The following COL25A1 variants were observed in gnomAD, a reference collection of about 807,000 sequenced individuals.
COL25A1 encodes collagen alpha-1(XXV) chain.
In COL25A1, 103 loss-of-function variants were observed where a neutral mutation model predicts 128.4. The ratio of observed to expected loss-of-function variants is 0.80; its 90% CI spans 0.68 to 0.94. The LOEUF (loss-of-function observed/expected upper bound fraction) is 0.94, where lower values mean the gene tolerates loss of function less well. COL25A1 is among the 40% of genes least tolerant of loss of function. The pLI, the probability that COL25A1 is intolerant of heterozygous loss-of-function variation, is 0.00. For missense variants in COL25A1, 745 were observed against 840.0 expected, an observed-to-expected ratio of 0.89 and a Z score of 1.40; for synonymous variants, 279 against 277.2, an observed-to-expected ratio of 1.01 and a Z score of -0.06.
At chr4:109,289,877 A>C (rs1724294242) in intron 3 of COL25A1, among the ~76,000 whole-genome samples, 1 of 147,838 alleles carries the variant, frequency 6.8e-6, no homozygotes, top group Admixed American at 6.6e-5. Flanking sequence ...TGTTTGCTGT[A>C]TTTACTCTTG....
At chr4:109,237,185 C>T (rs1470223711) in intron 3 of COL25A1, among the ~76,000 whole-genome samples, 2 of 151,994 alleles carry the variant, frequency 1.3e-5, no homozygotes, top group African/African-American at 4.8e-5. Context: ...AGTAGCAGTA[C>T]TTTTCTATCC....
Position 108,899,166 on chromosome 4 carries a change from T to C in COL25A1, c.849A>G (p.Glu283=), listed in dbSNP as rs1742525560. 3.1e-6 allele frequency: 5 copies of C among 1,609,498 alleles called. No individual in the cohort carries two copies. Among genetic ancestry groups the C allele is most frequent in the Non-Finnish European group, 4.2e-6 (5 of 1,177,892 alleles). ...GIPGPKGEPG[E]QGEKGDAGEN... is the part of the protein sequence containing the mutation. Reference sequence around the variant, plus strand: ...GAATCATTCTTACCTTTTCACCTTGTTCTCCAGGTTCTCCCTGAGCAAAAA... The same window carrying C: ...GAATCATTCTTACCTTTTCACCTTGCTCTCCAGGTTCTCCCTGAGCAAAAA... Residue 283 remains glutamate, a synonymous_variant, in exon 15 of 38, where the codon GAA becomes GAG. Coordinates refer to ENST00000399132, the MANE Select transcript of COL25A1 (RefSeq NM_198721.4).
chr4:109,222,994 C>G (rs1490257909), intron 3 of COL25A1, among the ~76,000 whole-genome samples: 6 of 152,140 alleles, frequency 3.9e-5, no homozygotes, highest in Non-Finnish European at 7.3e-5. Context: ...GAGACCTGAA[C>G]AGAATCACAG....
At chr4:109,129,439 A>C (rs1768953726) in intron 3 of COL25A1, among the ~76,000 whole-genome samples, 2 of 152,048 alleles carry the variant, frequency 1.3e-5, no homozygotes, top group South Asian at 4.1e-4. Flanking sequence ...CTTGTCAAAT[A>C]ATTTCTATAA....
At chr4:109,099,154 T>G (rs963221212) in intron 3 of COL25A1, among the ~76,000 whole-genome samples, 1 of 152,204 alleles carries the variant, frequency 6.6e-6, no homozygotes, top group Non-Finnish European at 1.5e-5. Flanking sequence ...CTGTGTATGG[T>G]GGGAAAAATT....
intron 3 of COL25A1, among the ~76,000 whole-genome samples, chr4:109,273,082 G>T (rs1782311602): frequency 6.6e-6 from 1 of 152,102 alleles, no homozygotes; most frequent in African/African-American, 2.4e-5. Flanking sequence ...ATGGGAAAGG[G>T]GAAGGAGGGT....
intron 3 of COL25A1, among the ~76,000 whole-genome samples, chr4:109,131,464 T>C (rs1322154490): frequency 6.6e-6 from 1 of 152,234 alleles, no homozygotes; most frequent in Non-Finnish European, 1.5e-5. Context: ...ACTGCCTTAC[T>C]CAATCAGATC....
chr4:109,068,042 T>C (rs1762605546), intron 3 of COL25A1, among the ~76,000 whole-genome samples: 2 of 152,166 alleles, frequency 1.3e-5, no homozygotes, highest in South Asian at 4.2e-4. Context: ...AGAAGTCTAC[T>C]GGGGTGCGTG....
At chr4:109,012,557 C>A (rs868334153) in intron 5 of COL25A1, among the ~76,000 whole-genome samples, 2 of 152,156 alleles carry the variant, frequency 1.3e-5, no homozygotes, top group Non-Finnish European at 2.9e-5. Context: ...TTGGCGGGCC[C>A]ACACTTGGAG....
At chr4:108,830,355 TGTG>T (rs1435005447) in intron 32 of COL25A1, among the ~76,000 whole-genome samples, 5 of 152,192 alleles carry the variant, frequency 3.3e-5, no homozygotes, top group African/African-American at 1.2e-4. Flanking sequence ...CTGTCAAATG[TGTG>T]GTTTCTTTTA....
chr4:109,009,245 G>A (rs961946147), intron 6 of COL25A1, among the ~76,000 whole-genome samples: 5 of 152,128 alleles, frequency 3.3e-5, no homozygotes, highest in African/African-American at 7.2e-5. Context: ...ACTTTCTTCC[G>A]TGGGTTTTAT....
At chr4:109,024,804 A>G (rs1758096527) in intron 5 of COL25A1, among the ~76,000 whole-genome samples, 1 of 152,046 alleles carries the variant, frequency 6.6e-6, no homozygotes, top group Non-Finnish European at 1.5e-5. Context: ...GGTGTTTTTA[A>G]TTACTTGGAA....
At chr4:109,109,672 T>C (rs1467193501) in intron 3 of COL25A1, among the ~76,000 whole-genome samples, 5 of 152,198 alleles carry the variant, frequency 3.3e-5, no homozygotes, top group Non-Finnish European at 7.3e-5. Context: ...CCTGGGGATG[T>C]ATATGTCCAG....
intron 3 of COL25A1, among the ~76,000 whole-genome samples, chr4:109,145,336 G>C (rs1770829859): frequency 6.6e-6 from 1 of 151,958 alleles, no homozygotes; most frequent in Non-Finnish European, 1.5e-5. Context: ...CAAAGTGCTA[G>C]GATTACAGGC....
chr4:108,992,654 A>G (rs564403773), intron 6 of COL25A1, among the ~76,000 whole-genome samples: 2 of 152,310 alleles, frequency 1.3e-5, no homozygotes, highest in South Asian at 4.1e-4. Context: ...CAATGTAAAT[A>G]AACTACCATA....
intron 3 of COL25A1, among the ~76,000 whole-genome samples, chr4:109,095,159 G>A (rs1295675394): frequency 6.6e-6 from 1 of 152,200 alleles, no homozygotes; most frequent in African/African-American, 2.4e-5. Context: ...AAAGTAATGA[G>A]TTAAAGTTTC....
At chr4:108,833,354 C>T (rs1733398876) in intron 31 of COL25A1, among the ~76,000 whole-genome samples, 1 of 152,132 alleles carries the variant, frequency 6.6e-6, no homozygotes, top group Non-Finnish European at 1.5e-5. Flanking sequence ...GGTATAATTC[C>T]CCTTTGTCCC....
At chr4:108,926,755 A>G (rs572677280) in intron 11 of COL25A1, among the ~76,000 whole-genome samples, 1 of 151,954 alleles carries the variant, frequency 6.6e-6, no homozygotes, top group South Asian at 2.1e-4. Context: ...ATAAAATGCC[A>G]TGTTCTGCTT....
chr4:109,279,706 C>T (rs971422838), intron 3 of COL25A1, among the ~76,000 whole-genome samples: 7 of 152,084 alleles, frequency 4.6e-5, no homozygotes, highest in Admixed American at 1.3e-4. Context: ...GGCACATACA[C>T]GTGTTGAAAA....
Sources: gnomAD v4.1 joint callset for allele counts (sites outside exome capture counted in the v4.1 genomes callset) on GRCh38, gnomAD v4.1.1 for gene constraint, MANE v1.5 for transcripts, NCBI Gene and HGNC (gene_info 2026-07-23, HGNC 2026-07-21) for gene names.